The following ZNF707 variants were observed in gnomAD, a reference collection of about 807,000 sequenced individuals.
ZNF707 encodes the protein zinc finger protein 707.
A neutral mutation model predicts 13.3 loss-of-function variants in ZNF707; 8 were observed. The ratio of observed to expected loss-of-function variants is 0.60; its 90% CI spans 0.35 to 1.09. The LOEUF (loss-of-function observed/expected upper bound fraction) is 1.09, where lower values mean the gene tolerates loss of function less well. ZNF707 is among the 50% of genes least tolerant of loss of function. ZNF707 has a pLI of 0.02. For synonymous variants in ZNF707, 225 were observed against 205.6 expected (o/e 1.09, Z -0.81); for missense variants, 530 against 512.6 (o/e 1.03, Z -0.33).
chr8:143,690,115 A>T lies in ZNF707; in HGVS notation c.7A>T (p.Met3Leu). The T allele has an allele frequency of 6.2e-7, 1 of 1,607,800 alleles. No individual in the cohort carries two copies. Among genetic ancestry groups the T allele is most frequent in the Non-Finnish European group, 8.5e-7 (1 of 1,179,768 alleles). ...GGGTGGCCTCGCTGTTCCCATGGAC[A>T]TGGCCCAGGTGAGCCCTGCTGCTGC... MDMAQEPVTFRDV... is the reference protein window; with the variant it reads MDLAQEPVTFRDV... Residue 3 changes from methionine to leucine, a missense_variant, in exon 3 of 6, where the codon ATG becomes TTG. By Grantham distance (15) the Met-to-Leu change is conservative. Transcript: ENST00000358656.
intron 3 of ZNF707, 195 bp from the exon 4 acceptor site, chr8:143,690,878 T>C: frequency 1.4e-6 from 1 of 719,594 alleles, no homozygotes; most frequent in Non-Finnish European, 2.2e-6. Flanking sequence ...TGACCTCACT[T>C]AACCTTAATC....
chr8:143,694,284 C>T lies in ZNF707; in HGVS notation c.870C>T (p.Cys290=), dbSNP rs782506046. The part of the protein sequence containing the change: ...LVHTGERPFY[C]ADCGKAFRTK... ...ACACCGGGGAGCGGCCGTTCTACTG[C>T]GCGGACTGCGGCAAAGCCTTCCGGA... Residue 290 remains cysteine, a synonymous_variant, in exon 6 of 6, where the codon TGC becomes TGT. Transcript: ENST00000358656. This position sits in a 1 kb window ranked among gnomAD's most constrained non-coding sequence, Gnocchi z 4.4. 6.9e-6 allele frequency: 11 copies of T among 1,597,314 alleles called. No individual in the cohort carries two copies. In the South Asian group the frequency reaches 7.8e-5, roughly 11 times the overall value.
At chr8:143,690,434 G>C (rs543719386) in intron 3 of ZNF707, 4 of 353,774 alleles carry the variant, frequency 1.1e-5, no homozygotes, top group Admixed American at 4.6e-5. Context: ...AGCTGGGCAC[G>C]CACCTGTAGG....
Position 143,694,308 on chromosome 8 carries a change from G to C in ZNF707, c.894G>C (p.Arg298=), listed in dbSNP as rs367958026. 6.3e-5 allele frequency: 101 copies of C among 1,601,364 alleles called. No homozygotes were observed. The highest frequency in any genetic ancestry group is 8.2e-5 in the Non-Finnish European group (96 of 1,172,302). The part of the protein sequence containing the change: ...FYCADCGKAF[R]TKENLSHHQR... The stretch of plus-strand genomic sequence containing the variant: ...GCGCGGACTGCGGCAAAGCCTTCCG[G>C]ACCAAGGAGAACCTCAGCCACCACC... Residue 298 remains arginine, a synonymous_variant, in exon 6 of 6, where the codon CGG becomes CGC. Transcript: ENST00000358656. The surrounding 1 kb of genome is among the most constrained non-coding windows in gnomAD (Gnocchi z 4.4).
chr8:143,694,625 A>C lies in ZNF707; in HGVS notation c.*95A>C, dbSNP rs937219977. 2.2e-6 allele frequency: 3 copies of C among 1,365,548 alleles called. No individual in the cohort carries two copies. Among genetic ancestry groups the C allele is most frequent in the Admixed American group, 2.8e-5 (1 of 35,524 alleles). The allele number at this position is 1,365,548 out of a possible 1,614,324, so 84.6% of individuals were successfully genotyped here. A position where few individuals can be genotyped will look rare whatever the true frequency, so the allele number is the denominator to read the frequency against. On this transcript the variant is annotated 3_prime_UTR_variant, in exon 6 of 6. Coordinates refer to ENST00000358656, the MANE Select transcript of ZNF707 (RefSeq NM_001100598.2). The surrounding 1 kb of genome is among the most constrained non-coding windows in gnomAD (Gnocchi z 4.4). ...AGTTGCTCTTCAGCCTGGAAAATCA[A>C]CCTGAATTCAGAGAAGCCTTCTTAG...
Position 143,688,477 on chromosome 8 carries a change from A to G in ZNF707, c.-150-727A>G, listed in dbSNP as rs556220158. ...GGTGGAGGGAGCCTCCTGGGCACCAACTGCAGTTAATGGGGATCAAACCAG... is the reference window on the plus strand; with the variant it reads ...GGTGGAGGGAGCCTCCTGGGCACCAGCTGCAGTTAATGGGGATCAAACCAG... On this transcript the variant is annotated intron_variant, in intron 1 of 5. Coordinates refer to ENST00000358656, the MANE Select transcript of ZNF707 (RefSeq NM_001100598.2). Among the ~76,000 whole-genome samples the G allele has an allele frequency of 7.2e-5, 11 of 152,104 alleles. No homozygotes were observed. The East Asian group carries it at 1.4e-3, about 19-fold the overall frequency.
At chr8:143,691,893 T>G in intron 5 of ZNF707, 180 bp downstream of exon 5, 1 of 1,008,052 alleles carries the variant, frequency 9.9e-7, no homozygotes, top group Non-Finnish European at 1.5e-6. Context: ...CCTGCCCTGA[T>G]GGACACTGGC....
intron 1 of ZNF707, chr8:143,688,992 C>T (rs1816551710): frequency 6.6e-6 from 1 of 152,258 alleles, no homozygotes; most frequent in Admixed American, 6.5e-5. Flanking sequence ...AGCGTCTGCT[C>T]TTCCTCTGTT....
At chr8:143,692,249 G>A in intron 5 of ZNF707, 1 of 1,290,144 alleles carries the variant, frequency 7.8e-7, no homozygotes. Context: ...TTTCAGAGTG[G>A]GATGGAGCAG....
Position 143,693,882 on chromosome 8 carries a change from T to C in ZNF707, c.468T>C (p.Arg156=), listed in dbSNP as rs782009941. The change falls in exon 6 of 6, where the codon CGT becomes CGC. Residue 156 remains arginine (R), a synonymous_variant. Coordinates refer to ENST00000358656, the MANE Select transcript of ZNF707 (RefSeq NM_001100598.2). The surrounding 1 kb of genome is among the most constrained non-coding windows in gnomAD (Gnocchi z 4.1). ...TCCCGTGTCAGGTGCTCACGCAGCG[T>C]TGTGGGCGGCGGCCGGGCCGCAGAG... ...TAFPCQVLTQ[R]CGRRPGRRER... 6.2e-7 allele frequency: 1 copy of C among 1,607,490 alleles called. No homozygotes were observed. Among genetic ancestry groups the C allele is most frequent in the South Asian group, 1.1e-5 (1 of 90,840 alleles).
In ZNF707 at chr8:143,691,103, T is replaced by G. The variant is rs782760703; in HGVS notation, c.46T>G (p.Tyr16Asp). 1.2e-6 allele frequency: 2 copies of G among 1,613,824 alleles called. No individual in the cohort carries two copies. Among genetic ancestry groups the G allele is most frequent in the African/African-American group, 2.7e-5 (2 of 74,944 alleles). The change falls in exon 4 of 6, where the codon TAC (tyrosine) becomes GAC (aspartate). Residue 16 changes from tyrosine to aspartate, a missense_variant. Transcript: ENST00000358656. ...AGTGACCTTCAGGGACGTGGCCATC[T>G]ACTTCTCAAGGGAGGAGTGGGCGTG... ...EPVTFRDVAIYFSREEWACLE... is the reference protein window; with the variant it reads ...EPVTFRDVAIDFSREEWACLE...
At chr8:143,691,555 G>T (rs181939095) in intron 4 of ZNF707, 45 bp from the exon 5 acceptor site, 7 of 1,541,746 alleles carry the variant, frequency 4.5e-6, no homozygotes, top group East Asian at 2.4e-5. Flanking sequence ...CCCTCACTTT[G>T]TCCTCAGTAC....
At chr8:143,690,008 G>C in intron 2 of ZNF707, 49 bp from the exon 3 acceptor site, 1 of 1,508,538 alleles carries the variant, frequency 6.6e-7, no homozygotes. Flanking sequence ...TCAGGTGCGG[G>C]GGGCATTCCC....
In ZNF707 at chr8:143,694,053, C is replaced by A; in HGVS notation, c.639C>A (p.Phe213Leu). The change falls in exon 6 of 6, where the codon TTC becomes TTA. Residue 213 changes from phenylalanine to leucine, a missense_variant. Physicochemically the swap from Phe to Leu is conservative, Grantham distance 22. Transcript: ENST00000358656. The surrounding 1 kb of genome is among the most constrained non-coding windows in gnomAD (Gnocchi z 4.4). ...AFECPECGQT[F>L]RWASNLQRHQ... is the part of the protein sequence containing the mutation. ...AGTGCCCCGAGTGCGGCCAGACCTTCCGGTGGGCTTCAAACCTGCAGCGCC... is the reference window on the plus strand; with the variant it reads ...AGTGCCCCGAGTGCGGCCAGACCTTACGGTGGGCTTCAAACCTGCAGCGCC... 1 of 1,607,780 alleles carries A rather than the reference C, an allele frequency of 6.2e-7. No homozygotes were observed. Among genetic ancestry groups the A allele is most frequent in the Non-Finnish European group, 8.5e-7 (1 of 1,178,020 alleles).
Position 143,694,558 on chromosome 8 carries a change from C to T in ZNF707, c.*28C>T. On this transcript the variant is annotated 3_prime_UTR_variant, in exon 6 of 6. Coordinates refer to ENST00000358656, the MANE Select transcript of ZNF707 (RefSeq NM_001100598.2). This position sits in a 1 kb window ranked among gnomAD's most constrained non-coding sequence, Gnocchi z 4.4. ...GCGCCCGAAGAGTGGGGTGCTGCGCCTCTGCGGGAGTACTGGGTCCTGAGG... is the reference window on the plus strand; with the variant it reads ...GCGCCCGAAGAGTGGGGTGCTGCGCTTCTGCGGGAGTACTGGGTCCTGAGG... 6.4e-7 allele frequency: 1 copy of T among 1,558,314 alleles called. No individual in the cohort carries two copies. Among genetic ancestry groups the T allele is most frequent in the East Asian group, 2.3e-5 (1 of 44,076 alleles).
In ZNF707 at chr8:143,692,006, C is replaced by A. The variant is rs575008622; in HGVS notation, c.256+293C>A. 2.3e-4 allele frequency: 334 copies of A among 1,448,908 alleles called. 1 individual carries two copies. The African/African-American group carries it at 2.7e-3, about 12-fold the overall frequency. 89.8% of individuals were successfully genotyped at this position (1,448,908 alleles called of 1,614,324 possible). A position where few individuals can be genotyped will look rare whatever the true frequency, so the allele number is the denominator to read the frequency against. On this transcript the variant is annotated intron_variant, in intron 5 of 5. Coordinates refer to ENST00000358656, the MANE Select transcript of ZNF707 (RefSeq NM_001100598.2). The stretch of plus-strand genomic sequence containing the variant: ...CACTTGAAGCCTGCACCTAGCCACC[C>A]AGGTGCTGTCCGGCGGAGGCCATTG...
At chr8:143,691,425 GTGGGCCT>G (rs1373231835) in intron 4 of ZNF707, 168 bp from the exon 5 acceptor site, 29 of 1,015,484 alleles carry the variant, frequency 2.9e-5, no homozygotes, top group Non-Finnish European at 4.1e-5. Context: ...AGGGCCTTCC[GTGGGCCT>G]TGGTGTCCAG....
intron 2 of ZNF707, 63 bp from the exon 3 acceptor site, chr8:143,689,994 G>C: frequency 7.3e-7 from 1 of 1,378,586 alleles, no homozygotes. Flanking sequence ...GGGGGCTCCT[G>C]GGGTCAGGTG....
chr8:143,686,588 C>T (rs1351544615), intron 1 of ZNF707, among the ~76,000 whole-genome samples: 1 of 152,018 alleles, frequency 6.6e-6, no homozygotes, highest in Non-Finnish European at 1.5e-5. Context: ...AGTTACAATT[C>T]TTTATATAAG....
Sources: allele counts gnomAD v4.1 joint callset (sites outside exome capture counted in the v4.1 genomes callset), GRCh38; gene constraint gnomAD v4.1.1; non-coding constraint Gnocchi (gnomAD v3.1); transcripts MANE v1.5; gene names NCBI Gene and HGNC (gene_info 2026-07-23, HGNC 2026-07-21).